The following ORC4 variants were observed in gnomAD, a reference collection of about 807,000 sequenced individuals.
The protein encoded by ORC4 is origin recognition complex, subunit 4 homolog.
In ORC4, 55 loss-of-function variants were observed where a neutral mutation model predicts 63.9. That is an observed-to-expected ratio of 0.86 (90% CI 0.69 to 1.08). The LOEUF (loss-of-function observed/expected upper bound fraction) is 1.08. ORC4 is among the 50% of genes least tolerant of loss of function. The pLI, the probability that ORC4 is intolerant of heterozygous loss-of-function variation, is 0.00. For synonymous variants in ORC4, 150 were observed against 168.5 expected (o/e 0.89, Z 0.85); for missense variants, 511 against 504.4 (o/e 1.01, Z -0.13).
At chr2:147,959,410 C>T (rs903701310) in intron 4 of ORC4, among the ~76,000 whole-genome samples, 3 of 151,466 alleles carry the variant, frequency 2.0e-5, no homozygotes, top group Admixed American at 6.6e-5. Context: ...AAGCCAAAAA[C>T]CTATTTAAAG....
intron 4 of ORC4, 121 bp downstream of exon 4, chr2:147,972,618 C>T: frequency 1.9e-6 from 1 of 521,064 alleles, no homozygotes; most frequent in Non-Finnish European, 3.2e-6. Context: ...TAAAACATTA[C>T]AAAATAATGA....
At chr2:148,010,252 G>T (rs1234375) in intron 1 of ORC4, among the ~76,000 whole-genome samples, 14,695 of 151,704 alleles carry the variant, frequency 0.097, 1,703 homozygotes, top group African/African-American at 0.28. Context: ...AGAAAACCAA[G>T]AAATAAACAA....
At chr2:147,937,880 A>G (rs984880551) in intron 13 of ORC4, 13 of 470,728 alleles carry the variant, frequency 2.8e-5, no homozygotes, top group African/African-American at 2.0e-4. Context: ...GGGAAAGGTT[A>G]TATCACACAC....
chr2:148,011,193 C>T (rs1330120004), intron 1 of ORC4, among the ~76,000 whole-genome samples: 7 of 152,054 alleles, frequency 4.6e-5, no homozygotes, highest in Admixed American at 4.6e-4. Context: ...AACTACAGGC[C>T]AGTATCTCTG....
intron 1 of ORC4, among the ~76,000 whole-genome samples, chr2:147,994,851 C>G (rs1691843335): frequency 6.6e-6 from 1 of 152,182 alleles, no homozygotes; most frequent in Admixed American, 6.5e-5. Context: ...ATGGTGAAAC[C>G]CTGTCTCTAC....
chr2:148,008,525 T>G (rs1268501656), intron 1 of ORC4, among the ~76,000 whole-genome samples: 2 of 152,210 alleles, frequency 1.3e-5, no homozygotes, highest in African/African-American at 4.8e-5. Context: ...AAACTTAACT[T>G]CCTCGTAAAG....
chr2:147,989,739 G>A (rs1023132371), intron 1 of ORC4, among the ~76,000 whole-genome samples: 3 of 151,848 alleles, frequency 2.0e-5, no homozygotes, highest in Non-Finnish European at 4.4e-5. Flanking sequence ...ACAACAACAA[G>A]AAACAAAAAC....
chr2:147,998,749 C>T (rs1471933437), intron 1 of ORC4, among the ~76,000 whole-genome samples: 2 of 152,062 alleles, frequency 1.3e-5, no homozygotes, highest in Non-Finnish European at 2.9e-5. Context: ...ATTCTCAATT[C>T]CCCTATTAAT....
At chr2:147,998,939 A>G (rs1344627692) in intron 1 of ORC4, among the ~76,000 whole-genome samples, 1 of 152,158 alleles carries the variant, frequency 6.6e-6, no homozygotes, top group Non-Finnish European at 1.5e-5. Flanking sequence ...CAGAAATGAA[A>G]GGATGGGAAC....
chr2:148,006,193 T>C (rs867363022), intron 1 of ORC4, among the ~76,000 whole-genome samples: 1 of 152,200 alleles, frequency 6.6e-6, no homozygotes, highest in Non-Finnish European at 1.5e-5. Flanking sequence ...AAAGTAAGTA[T>C]GGGACTTTGC....
At chr2:147,950,743 C>T (rs1260068752) in intron 8 of ORC4, among the ~76,000 whole-genome samples, 5 of 133,466 alleles carry the variant, frequency 3.7e-5, no homozygotes, top group East Asian at 2.1e-4. Flanking sequence ...CCAGCCTGGG[C>T]GACAGAGCAA....
intron 1 of ORC4, among the ~76,000 whole-genome samples, chr2:148,019,585 G>A (rs893148543): frequency 2.6e-5 from 4 of 152,170 alleles, no homozygotes; most frequent in Admixed American, 6.5e-5. Context: ...GCGAGACTCC[G>A]TCTCAAAACA....
intron 13 of ORC4, 194 bp downstream of exon 13, chr2:147,937,952 C>T: frequency 1.6e-6 from 1 of 618,328 alleles, no homozygotes; most frequent in South Asian, 2.0e-5. Context: ...GGCAGTATAC[C>T]TCCACAAACT....
intron 10 of ORC4, among the ~76,000 whole-genome samples, chr2:147,941,151 C>T (rs1157597965): frequency 6.6e-6 from 1 of 151,826 alleles, no homozygotes; most frequent in Non-Finnish European, 1.5e-5. Context: ...GAGGTTTTAC[C>T]CATGTTGAGG....
rs1689191542 is a variant in ORC4, at chr2:147,955,372, T to C, written c.411A>G (p.Ser137=). ...CTTTTTTTAAAGCTTCCAGAAGAAA[T>C]GAAAGGTTTTCAGCAAAGCTTCCCT... ...KVFGSFAENL[S]FLLEALKKGD... is the part of the protein sequence containing the mutation. The change falls in exon 7 of 14, where the codon TCA becomes TCG. Residue 137 remains serine, a synonymous_variant. Transcript: ENST00000392857. 1 of 1,604,514 alleles carries C rather than the reference T, an allele frequency of 6.2e-7. No homozygotes were observed. The highest frequency in any genetic ancestry group is 1.3e-5 in the African/African-American group (1 of 74,608).
At chr2:148,004,347 A>G (rs1441751850) in intron 1 of ORC4, among the ~76,000 whole-genome samples, 1 of 152,238 alleles carries the variant, frequency 6.6e-6, no homozygotes, top group Non-Finnish European at 1.5e-5. Flanking sequence ...GCATCACGCT[A>G]CCTGACTTCA....
intron 1 of ORC4, among the ~76,000 whole-genome samples, 154 bp from the exon 2 acceptor site, chr2:147,976,129 C>G (rs1013163019): frequency 6.6e-6 from 1 of 152,114 alleles, no homozygotes; most frequent in African/African-American, 2.4e-5. Flanking sequence ...TTCATTTTGT[C>G]TAAGTACAGG....
chr2:148,021,348 C>A (rs1451186092), upstream of ORC4: 1 of 397,206 alleles, frequency 2.5e-6, no homozygotes, highest in Non-Finnish European at 5.0e-6. Context: ...ACGACTCCTA[C>A]CCCCTCACCC....
intron 1 of ORC4, among the ~76,000 whole-genome samples, chr2:148,005,750 G>A (rs2603601): frequency 0.037 from 5,575 of 151,232 alleles, 330 homozygotes; most frequent in African/African-American, 0.13. Flanking sequence ...AGGTCAAGGC[G>A]AGTGGATCAT....
Sources: allele counts gnomAD v4.1 joint callset (sites outside exome capture counted in the v4.1 genomes callset), GRCh38; gene constraint gnomAD v4.1.1; transcripts MANE v1.5; gene names NCBI Gene and HGNC (gene_info 2026-07-23, HGNC 2026-07-21).